Variants in UBQLN4 observed in about 807,000 individuals in gnomAD.
UBQLN4 encodes the protein ubiquilin-4.
Under a neutral mutation model 60.4 loss-of-function variants are expected in UBQLN4, and 11 were observed. The observed-to-expected ratio is 0.18, with a 90% confidence interval of 0.11 to 0.30. The LOEUF (loss-of-function observed/expected upper bound fraction) is 0.30. Among genes scored for constraint, UBQLN4 ranks in the 10% least tolerant of loss-of-function variants. The pLI is 1.00. For synonymous variants in UBQLN4, 258 were observed against 313.1 expected (o/e 0.82, Z 1.86); for missense variants, 417 against 795.5 (o/e 0.52, Z 5.72).
At chr1:156,032,513 GA>G (rs201947466), downstream of UBQLN4, among the ~76,000 whole-genome samples, 64,405 of 118,926 alleles carry the variant, frequency 0.54, 16,854 homozygotes, top group Non-Finnish European at 0.63. Context: ...CTCCGTCTCA[GA>G]AAAAAAAAAA....
chr1:156,041,337 G>C (rs901961616), intron 10 of UBQLN4, 148 bp downstream of exon 10: 20 of 745,488 alleles, frequency 2.7e-5, no homozygotes, highest in Non-Finnish European at 3.9e-5. Context: ...TGAACTCAGG[G>C]AGCATCAGTA....
At chr1:156,049,182 GAC>G (rs1363354621) in intron 4 of UBQLN4, among the ~76,000 whole-genome samples, 1 of 152,220 alleles carries the variant, frequency 6.6e-6, no homozygotes, top group Non-Finnish European at 1.5e-5. Context: ...GCTGCCCTGG[GAC>G]ACACAGTCAC....
At chr1:156,033,291 G>A, downstream of UBQLN4, 2 of 985,468 alleles carry the variant, frequency 2.0e-6, no homozygotes, top group Non-Finnish European at 2.4e-6. Context: ...GCAGAAGCCA[G>A]AAGAGCAGAG....
intron 4 of UBQLN4, among the ~76,000 whole-genome samples, chr1:156,049,370 T>C (rs534150672): frequency 3.3e-5 from 5 of 152,342 alleles, no homozygotes; most frequent in African/African-American, 1.2e-4. Context: ...TGAGAAACAC[T>C]GAAGATGGGG....
chr1:156,041,756 A>C (rs1412073121), intron 9 of UBQLN4, 85 bp from the exon 10 acceptor site: 1 of 1,454,020 alleles, frequency 6.9e-7, no homozygotes, highest in Non-Finnish European at 9.1e-7. Context: ...AGCAGTTGGA[A>C]GAAACAGGAA....
At chr1:156,033,150 C>T (rs1683323613), downstream of UBQLN4, 1 of 938,120 alleles carries the variant, frequency 1.1e-6, no homozygotes, top group East Asian at 1.2e-4. Flanking sequence ...CCACAGGAAG[C>T]AGAAGTCAGT....
rs764951911 is a variant in UBQLN4, at chr1:156,050,244, C to T, written c.741+47G>A. The T allele has an allele frequency of 6.6e-6, 10 of 1,514,438 alleles. No homozygotes were observed. The highest frequency in any genetic ancestry group is 2.8e-5 in the African/African-American group (2 of 71,972). 93.8% of individuals were successfully genotyped at this position (1,514,438 alleles called of 1,614,324 possible). A position where few individuals can be genotyped will look rare whatever the true frequency, so the allele number is the denominator to read the frequency against. ...AAAGTAGGAAAGGCTGGGCAGGGCA[C>T]GGCTGGGCACCAGTGTCCTCCAGCT... is the stretch of plus-strand genomic sequence containing the variant. On this transcript the variant is annotated intron_variant, in intron 4 of 10. Coordinates refer to ENST00000368309, the MANE Select transcript of UBQLN4 (RefSeq NM_020131.5). The surrounding 1 kb of genome is among the most constrained non-coding windows in gnomAD (Gnocchi z 4.6).
intron 1 of UBQLN4, among the ~76,000 whole-genome samples, chr1:156,053,364 C>G (rs1683932787): frequency 6.6e-6 from 1 of 152,032 alleles, no homozygotes; most frequent in Non-Finnish European, 1.5e-5. Context: ...CTCCACCACG[C>G]CCCCAGGCCA....
At chr1:156,035,168 T>A, downstream of UBQLN4, 1 of 844,982 alleles carries the variant, frequency 1.2e-6, no homozygotes, top group Non-Finnish European at 1.4e-6. Flanking sequence ...TCTCAGCCAC[T>A]TTTAATATTT....
chr1:156,037,687 C>T (rs1368154764), intron 10 of UBQLN4, among the ~76,000 whole-genome samples: 1 of 152,172 alleles, frequency 6.6e-6, no homozygotes, highest in African/African-American at 2.4e-5. Flanking sequence ...ACTGATAGGC[C>T]TAGATCAGCA....
At chr1:156,043,002 C>G in intron 6 of UBQLN4, 89 bp from the exon 7 acceptor site, 1 of 1,495,120 alleles carries the variant, frequency 6.7e-7, no homozygotes, top group Non-Finnish European at 9.0e-7. Flanking sequence ...ACTTCAGACA[C>G]CGAATGACTA....
intron 6 of UBQLN4, among the ~76,000 whole-genome samples, chr1:156,043,477 G>A (rs1358209417): frequency 6.6e-6 from 1 of 152,104 alleles, no homozygotes; most frequent in Non-Finnish European, 1.5e-5. Context: ...CAGAGGGAAG[G>A]AACTTTCCCA....
In UBQLN4 at chr1:156,048,206, G is replaced by A. The variant is rs115171616; in HGVS notation, c.900+295C>T. Among the ~76,000 whole-genome samples, 1,297 of 152,242 alleles carry A rather than the reference G, an allele frequency of 8.5e-3. 19 individuals carry two copies. Among genetic ancestry groups the A allele is most frequent in the African/African-American group, 0.03 (1,241 of 41,518 alleles). On this transcript the variant is annotated intron_variant, in intron 5 of 10. Transcript: ENST00000368309. The surrounding 1 kb of genome is among the most constrained non-coding windows in gnomAD (Gnocchi z 4.9). ...TGAGACATGCTGTATCAGGGCTGGC[G>A]TCTGACCTCAGGCCTGCCACGTGAC...
At chr1:156,038,611 T>C (rs2102739475) in intron 10 of UBQLN4, among the ~76,000 whole-genome samples, 1 of 152,138 alleles carries the variant, frequency 6.6e-6, no homozygotes, top group East Asian at 1.9e-4. Flanking sequence ...GAGCCGAGAC[T>C]GTGCCATAAC....
rs1683802167 is a variant in UBQLN4, at chr1:156,049,420, G to A, written c.742-761C>T. Among the ~76,000 whole-genome samples, 3 of 152,278 alleles carry A rather than the reference G, an allele frequency of 2.0e-5. No homozygotes were observed. In the South Asian group the frequency reaches 6.2e-4, roughly 32 times the overall value. Reference sequence around the variant, plus strand: ...AGCCAATGGCACAATCTCAATAAGGGGTGGCTATGTCAACCCCGGGGGAGT... The same window carrying A: ...AGCCAATGGCACAATCTCAATAAGGAGTGGCTATGTCAACCCCGGGGGAGT... On this transcript the variant is annotated intron_variant, in intron 4 of 10. Coordinates refer to ENST00000368309, the MANE Select transcript of UBQLN4 (RefSeq NM_020131.5).
At chr1:156,038,833 C>T (rs1455311860) in intron 10 of UBQLN4, among the ~76,000 whole-genome samples, 2 of 113,804 alleles carry the variant, frequency 1.8e-5, no homozygotes, top group African/African-American at 3.3e-5. Flanking sequence ...TTTTTTGAGA[C>T]GGAGTCTCGC....
rs747693613 is a variant in UBQLN4 at position 156,041,856 on chromosome 1, G to A, written c.1466+16C>T. 3.1e-6 allele frequency: 5 copies of A among 1,589,622 alleles called. No individual in the cohort carries two copies. The African/African-American group carries it at 5.5e-5, about 17-fold the overall frequency. Reference sequence around the variant, plus strand: ...GTTGCTAGAACCTTGCTGCCCTCCTGCCCCCCTACCCTCACCTGGGTACCA... The same window carrying A: ...GTTGCTAGAACCTTGCTGCCCTCCTACCCCCCTACCCTCACCTGGGTACCA... On this transcript the variant is annotated intron_variant, in intron 9 of 10. Transcript: ENST00000368309.
intron 5 of UBQLN4, 77 bp from the exon 6 acceptor site, chr1:156,044,300 C>T (rs1323500136): frequency 1.9e-5 from 25 of 1,287,910 alleles, no homozygotes. Context: ...TCTCCTCTCA[C>T]TTAATAGCCT....
chr1:156,033,810 C>T (rs1049888099), downstream of UBQLN4, among the ~76,000 whole-genome samples: 2 of 150,404 alleles, frequency 1.3e-5, no homozygotes, highest in Non-Finnish European at 2.9e-5. Context: ...CATCACTGCA[C>T]TCTAGCCTGG....
Sources: gnomAD v4.1 joint callset for allele counts (sites outside exome capture counted in the v4.1 genomes callset) on GRCh38, gnomAD v4.1.1 for gene constraint, Gnocchi (gnomAD v3.1) non-coding constraint, MANE v1.5 for transcripts, NCBI Gene and HGNC (gene_info 2026-07-23, HGNC 2026-07-21) for gene names.